Variants in KLRG1 observed in about 807,000 individuals in gnomAD.
The protein encoded by KLRG1 is killer cell lectin-like receptor subfamily G member 1.
A neutral mutation model predicts 21.8 loss-of-function variants in KLRG1; 16 were observed. The ratio of observed to expected loss-of-function variants is 0.73; its 90% CI spans 0.50 to 1.11. The LOEUF (loss-of-function observed/expected upper bound fraction) is 1.11, where lower values mean the gene tolerates loss of function less well. KLRG1 is among the 50% of genes most tolerant of loss of function. The pLI, the probability that KLRG1 is intolerant of heterozygous loss-of-function variation, is 0.00. For missense variants in KLRG1, 173 were observed against 218.3 expected, an observed-to-expected ratio of 0.79 and a Z score of 1.31; for synonymous variants, 69 against 75.9, an observed-to-expected ratio of 0.91 and a Z score of 0.47.
At chr12:9,067,866 A>G in the KLRG1 span, 9 of 1,608,756 alleles carry the variant, frequency 5.6e-6, no homozygotes, top group Admixed American at 1.7e-5. Context: ...AAAAAAAATT[A>G]AGACAGATTT....
At chr12:8,974,613 C>T (rs1295424210) in intron 1 of KLRG1, among the ~76,000 whole-genome samples, 2 of 152,130 alleles carry the variant, frequency 1.3e-5, no homozygotes, top group African/African-American at 2.4e-5. Flanking sequence ...GCTTTTTCTG[C>T]ATCTATTGAG....
the KLRG1 span, chr12:9,057,799 G>C: frequency 6.6e-6 from 1 of 152,440 alleles, no homozygotes; most frequent in East Asian, 1.9e-4. Flanking sequence ...TTCATCCTTT[G>C]AAAGATAATT....
chr12:8,973,797 T>C (rs922176265), intron 1 of KLRG1, among the ~76,000 whole-genome samples: 5 of 152,204 alleles, frequency 3.3e-5, no homozygotes, highest in African/African-American at 1.2e-4. Flanking sequence ...AAATAAATTC[T>C]AAGTATTTTA....
chr12:9,014,029 C>T (rs1444203243), downstream of KLRG1, among the ~76,000 whole-genome samples: 1 of 151,978 alleles, frequency 6.6e-6, no homozygotes, highest in African/African-American at 2.4e-5. Flanking sequence ...AAGAAGGAAG[C>T]TCAAAGACAG....
the KLRG1 span, among the ~76,000 whole-genome samples, chr12:9,017,325 A>C: frequency 2.6e-5 from 4 of 151,824 alleles, no homozygotes; most frequent in Non-Finnish European, 1.5e-5. Context: ...ACAAACCCAA[A>C]TGTAAATATC....
chr12:9,038,458 A>G, the KLRG1 span, among the ~76,000 whole-genome samples: 61 of 152,230 alleles, frequency 4.0e-4, no homozygotes, highest in African/African-American at 1.4e-3. Context: ...ATTATCTAGG[A>G]TACTTTCCCT....
chr12:9,038,925 A>G, the KLRG1 span, among the ~76,000 whole-genome samples: 1 of 152,092 alleles, frequency 6.6e-6, no homozygotes, highest in African/African-American at 2.4e-5. Flanking sequence ...AAAAATTGAA[A>G]CAAAAAATGA....
chr12:8,978,196 G>A (rs1461298658), intron 1 of KLRG1, among the ~76,000 whole-genome samples: 1 of 152,118 alleles, frequency 6.6e-6, no homozygotes, highest in Non-Finnish European at 1.5e-5. Flanking sequence ...CACATTGCTA[G>A]TTAGCATACT....
chr12:9,135,131 C>G, the KLRG1 span: 1 of 216,822 alleles, frequency 4.6e-6, no homozygotes, highest in East Asian at 1.1e-4. Context: ...TGTCCTTCGT[C>G]TCCAAGTTTC....
chr12:9,135,181 C>T, the KLRG1 span: 3 of 231,064 alleles, frequency 1.3e-5, no homozygotes, highest in African/African-American at 6.9e-5. Context: ...CAGCTGCAGA[C>T]CTTCAGCCAC....
At chr12:8,955,800 G>C (rs747192814) in intron 1 of KLRG1, among the ~76,000 whole-genome samples, 2 of 152,104 alleles carry the variant, frequency 1.3e-5, no homozygotes, top group Non-Finnish European at 2.9e-5. Context: ...TTCCTAGGTA[G>C]ATACGGGCGG....
chr12:9,092,502 A>G, the KLRG1 span, among the ~76,000 whole-genome samples: 1 of 152,084 alleles, frequency 6.6e-6, no homozygotes, highest in Non-Finnish European at 1.5e-5. Context: ...AACAGCCTGC[A>G]TCTGGGAGTG....
At chr12:9,106,409 T>TC in the KLRG1 span, 1 of 1,434,700 alleles carries the variant, frequency 7.0e-7, no homozygotes, top group South Asian at 1.2e-5. Context: ...TTCTATCACC[T>TC]CCCCCCAACT....
the KLRG1 span, among the ~76,000 whole-genome samples, chr12:9,133,103 A>C: frequency 6.6e-6 from 1 of 152,114 alleles, no homozygotes; most frequent in Admixed American, 6.6e-5. Flanking sequence ...TAGATTTCCT[A>C]CTAGGGCAAG....
chr12:9,009,003 C>T lies in KLRG1; in HGVS notation c.386C>T (p.Ala129Val). The T allele has an allele frequency of 3.7e-6, 6 of 1,613,830 alleles. No individual in the cohort carries two copies. The highest frequency in any genetic ancestry group is 5.1e-6 in the Non-Finnish European group (6 of 1,179,864). Residue 129 changes from alanine (A) to valine (V), a missense_variant, in exon 4 of 5, where the codon GCC becomes GTC. Ala to Val is a moderately conservative substitution (Grantham distance 64). Transcript: ENST00000356986. The part of the protein sequence containing the change: ...MSLLQVFLSE[A>V]FCWIGLRNNS... Reference sequence around the variant, plus strand: ...CTGCTCCAAGTTTTCCTCAGTGAGGCCTTTTGCTGGATTGGTCTGAGGAAC... The same window carrying T: ...CTGCTCCAAGTTTTCCTCAGTGAGGTCTTTTGCTGGATTGGTCTGAGGAAC...
chr12:9,178,591 C>A, the KLRG1 span, among the ~76,000 whole-genome samples: 1 of 152,184 alleles, frequency 6.6e-6, no homozygotes, highest in Admixed American at 6.5e-5. Flanking sequence ...TTCTATCTAT[C>A]AAATGGTGAA....
intron 1 of KLRG1, among the ~76,000 whole-genome samples, chr12:8,970,881 T>G (rs7300767): frequency 0.36 from 55,000 of 152,022 alleles, 11,201 homozygotes; most frequent in Middle Eastern, 0.46. Context: ...TCTTTTTTCT[T>G]TTTCATTATG....
chr12:9,181,019 C>T, the KLRG1 span: 2 of 1,614,050 alleles, frequency 1.2e-6, no homozygotes, highest in East Asian at 4.5e-5. Flanking sequence ...GCTTCATGAG[C>T]AGCACACTTT....
At chr12:9,094,338 T>C in the KLRG1 span, among the ~76,000 whole-genome samples, 1 of 113,834 alleles carries the variant, frequency 8.8e-6, no homozygotes, top group Non-Finnish European at 1.8e-5. Context: ...AAAAAAATTG[T>C]GCATATATAT....
Sources: allele counts gnomAD v4.1 joint callset (sites outside exome capture counted in the v4.1 genomes callset), GRCh38; gene constraint gnomAD v4.1.1; transcripts MANE v1.5; gene names NCBI Gene and HGNC (gene_info 2026-07-23, HGNC 2026-07-21).